The following SORCS3 variants were observed in gnomAD, a reference collection of about 807,000 sequenced individuals.
SORCS3 encodes the protein sortilin related VPS10 domain containing receptor 3, also known as VPS10 domain-containing receptor SorCS3.
In SORCS3, 57 loss-of-function variants were observed where a neutral mutation model predicts 146.3. The ratio of observed to expected loss-of-function variants is 0.39; its 90% CI spans 0.31 to 0.49. The LOEUF is 0.49. SORCS3 is among the 20% of genes least tolerant of loss of function. The probability of loss-of-function intolerance (pLI) is 0.92; values close to 1 mark genes in which losing one functional copy is unlikely to be tolerated. For missense variants in SORCS3, 1,341 were observed against 1,575.5 expected (o/e 0.85, Z 2.52); for synonymous variants, 653 against 618.5 (o/e 1.06, Z -0.83).
chr10:104,787,948 G>A lies in SORCS3; in HGVS notation c.628-54844G>A, dbSNP rs915247099. Among the ~76,000 whole-genome samples, 22 of 152,084 alleles carry A rather than the reference G, an allele frequency of 1.4e-4. 1 individual carries two copies. The highest frequency in any genetic ancestry group is 1.2e-3 in the Admixed American group (19 of 15,268). On this transcript the variant is annotated intron_variant, in intron 1 of 26. Coordinates refer to ENST00000369701, the MANE Select transcript of SORCS3 (RefSeq NM_014978.3). The stretch of plus-strand genomic sequence containing the variant: ...TTTTCTGCTTTCAACATAGCCTGTC[G>A]ACATCTCAAATTGAGAAGCCCATCA...
At chr10:104,879,837 C>T (rs929446305) in intron 2 of SORCS3, among the ~76,000 whole-genome samples, 10 of 152,182 alleles carry the variant, frequency 6.6e-5, no homozygotes, top group Non-Finnish European at 1.3e-4. Flanking sequence ...GATGGGATGG[C>T]TTAACCTGCA....
chr10:105,211,047 CA>C, intron 16 of SORCS3, 89 bp from the exon 17 acceptor site: 1 of 790,166 alleles, frequency 1.3e-6, no homozygotes, highest in African/African-American at 1.7e-5. Context: ...TTCTGGATGG[CA>C]ATAGGGACAT....
At chr10:104,775,560 G>A (rs1446075778) in intron 1 of SORCS3, among the ~76,000 whole-genome samples, 1 of 152,184 alleles carries the variant, frequency 6.6e-6, no homozygotes, top group South Asian at 2.1e-4. Flanking sequence ...GAACTAGAAA[G>A]CCAATGGCCA....
At chr10:104,689,093 A>G (rs996579532) in intron 1 of SORCS3, among the ~76,000 whole-genome samples, 1 of 152,218 alleles carries the variant, frequency 6.6e-6, no homozygotes, top group Non-Finnish European at 1.5e-5. Flanking sequence ...GAGGCCCTGC[A>G]TGACTTGCCC....
chr10:104,766,056 T>G (rs2017176171), intron 1 of SORCS3, among the ~76,000 whole-genome samples: 1 of 152,238 alleles, frequency 6.6e-6, no homozygotes, highest in Admixed American at 6.5e-5. Flanking sequence ...CTTCTGGACT[T>G]TCTTGAAACA....
rs148017845 is a variant in SORCS3, at chr10:105,142,447, G to A, written c.1302+2961G>A. Among the ~76,000 whole-genome samples, 328 of 152,208 alleles carry A rather than the reference G, an allele frequency of 2.2e-3. 1 individual carries two copies. The highest frequency in any genetic ancestry group is 7.6e-3 in the African/African-American group (317 of 41,520). The stretch of plus-strand genomic sequence containing the variant: ...ACGTGATTTGCTAAAATGTTGTCCT[G>A]CTGGCCAATCTGGACAAAATGCCTG... On this transcript the variant is annotated intron_variant, in intron 8 of 26. Coordinates refer to ENST00000369701, the MANE Select transcript of SORCS3 (RefSeq NM_014978.3).
chr10:104,905,441 G>A (rs548744696), intron 2 of SORCS3, among the ~76,000 whole-genome samples: 40 of 152,300 alleles, frequency 2.6e-4, no homozygotes, highest in African/African-American at 7.9e-4. Context: ...GCACAAAGGA[G>A]CATCTGCTTT....
chr10:105,042,507 G>A (rs1410161970), intron 4 of SORCS3, among the ~76,000 whole-genome samples: 1 of 152,052 alleles, frequency 6.6e-6, no homozygotes, highest in Non-Finnish European at 1.5e-5. Context: ...TATCCCTAAG[G>A]TGTTATAAAG....
intron 1 of SORCS3, among the ~76,000 whole-genome samples, chr10:104,719,395 T>TATA (rs1162741217): frequency 2.2e-4 from 34 of 152,322 alleles, no homozygotes; most frequent in African/African-American, 8.2e-4. Context: ...TGTGATTGAA[T>TATA]ATAAGTAATT....
chr10:105,052,005 A>G (rs1356748585), intron 5 of SORCS3, among the ~76,000 whole-genome samples: 2 of 152,166 alleles, frequency 1.3e-5, no homozygotes, highest in Non-Finnish European at 2.9e-5. Context: ...TGCTAAGACT[A>G]AAATGCAGTG....
chr10:105,091,031 C>T (rs1054748066), intron 6 of SORCS3, among the ~76,000 whole-genome samples: 6 of 152,054 alleles, frequency 3.9e-5, no homozygotes, highest in African/African-American at 1.2e-4. Context: ...AGAAGGTAAT[C>T]AGAATTTGTT....
rs556827687 is a variant in SORCS3 at position 104,683,126 on chromosome 10, TC to T, written c.627+41176del. 3.9e-5 allele frequency among the ~76,000 whole-genome samples: 6 copies of T among 152,294 alleles called. No individual in the cohort carries two copies. In the South Asian group the frequency reaches 1.2e-3, roughly 32 times the overall value. On this transcript the variant is annotated intron_variant, in intron 1 of 26. Coordinates refer to ENST00000369701, the MANE Select transcript of SORCS3 (RefSeq NM_014978.3). ...GGACACTTGTCCTCAACCTGGTGCA[TC>T]CCCAGCCAACTTTACAGTGGACCAT... is the stretch of plus-strand genomic sequence containing the variant.
At chr10:104,644,769 G>A (rs2015471259) in intron 1 of SORCS3, among the ~76,000 whole-genome samples, 1 of 152,094 alleles carries the variant, frequency 6.6e-6, no homozygotes, top group Non-Finnish European at 1.5e-5. Context: ...CACAATGAGG[G>A]TTTCCTTGCT....
intron 3 of SORCS3, among the ~76,000 whole-genome samples, chr10:104,962,803 T>C (rs1589568297): frequency 1.3e-5 from 2 of 152,056 alleles, no homozygotes; most frequent in Non-Finnish European, 2.9e-5. Context: ...GAGAAGAAAA[T>C]AAAAAATACT....
At chr10:104,855,981 C>T (rs1318181151) in intron 2 of SORCS3, among the ~76,000 whole-genome samples, 1 of 151,880 alleles carries the variant, frequency 6.6e-6, no homozygotes, top group Admixed American at 6.6e-5. Context: ...AGTGATCCTC[C>T]TGCCTTGGCC....
At chr10:105,149,868 C>A (rs2056156261) in intron 9 of SORCS3, among the ~76,000 whole-genome samples, 3 of 152,204 alleles carry the variant, frequency 2.0e-5, no homozygotes, top group South Asian at 4.1e-4. Flanking sequence ...GAAGAATGTG[C>A]CCAGATCCAT....
chr10:104,995,023 T>C (rs942712886), intron 4 of SORCS3, among the ~76,000 whole-genome samples: 1 of 152,170 alleles, frequency 6.6e-6, no homozygotes, highest in Non-Finnish European at 1.5e-5. Flanking sequence ...TTTCCTAAAG[T>C]GTTTGTGCTA....
chr10:105,014,447 G>A (rs1244811948), intron 4 of SORCS3, among the ~76,000 whole-genome samples: 2 of 151,960 alleles, frequency 1.3e-5, no homozygotes, highest in African/African-American at 4.8e-5. Flanking sequence ...TTATAATGAA[G>A]AATAGTAGCT....
intron 14 of SORCS3, among the ~76,000 whole-genome samples, chr10:105,186,088 C>T (rs2056473801): frequency 6.6e-6 from 1 of 152,182 alleles, no homozygotes; most frequent in Non-Finnish European, 1.5e-5. Flanking sequence ...ATTACCACAT[C>T]TTTATGTATG....
Sources: allele counts gnomAD v4.1 joint callset (sites outside exome capture counted in the v4.1 genomes callset), GRCh38; gene constraint gnomAD v4.1.1; transcripts MANE v1.5; gene names NCBI Gene and HGNC (gene_info 2026-07-23, HGNC 2026-07-21).